GRM7: variants seen among roughly 807,000 people sequenced by gnomAD.
The protein encoded by GRM7 is glutamate metabotropic receptor 7.
GRM7 carries 35 observed loss-of-function variants against 84.5 expected under a neutral mutation model. The ratio of observed to expected loss-of-function variants is 0.41; its 90% confidence interval spans 0.32 to 0.55. The LOEUF is 0.55. Ranked by LOEUF, GRM7 falls within the 20% of genes least tolerant of loss-of-function variation. GRM7 has a pLI of 0.19. For missense variants in GRM7, 1,003 were observed against 1,194.6 expected (o/e 0.84, Z 2.36); for synonymous variants, 487 against 455.1 (o/e 1.07, Z -0.89).
At chr3:7,483,838 A>G (rs558795994) in intron 7 of GRM7, among the ~76,000 whole-genome samples, 1 of 152,036 alleles carries the variant, frequency 6.6e-6, no homozygotes, top group South Asian at 2.1e-4. Flanking sequence ...ATACTATATT[A>G]TTTAGGAATA....
At chr3:7,694,463 A>C (rs1022339211) in intron 9 of GRM7, 1 of 734,186 alleles carries the variant, frequency 1.4e-6, no homozygotes, top group African/African-American at 1.9e-5. Context: ...ATGTCAAGCA[A>C]TCCATCTGCA....
At chr3:7,198,767 A>G (rs1415659629) in intron 2 of GRM7, among the ~76,000 whole-genome samples, 2 of 152,196 alleles carry the variant, frequency 1.3e-5, no homozygotes, top group African/African-American at 2.4e-5. Flanking sequence ...TACAGACTGC[A>G]TAAGGCTTTC....
chr3:7,574,110 T>A (rs1575511578), intron 7 of GRM7, among the ~76,000 whole-genome samples: 1 of 151,946 alleles, frequency 6.6e-6, no homozygotes, highest in South Asian at 2.1e-4. Context: ...TTATTTTATT[T>A]TTATTATTTT....
At chr3:7,159,955 G>A (rs190262906) in intron 2 of GRM7, among the ~76,000 whole-genome samples, 3 of 152,252 alleles carry the variant, frequency 2.0e-5, no homozygotes, top group African/African-American at 4.8e-5. Flanking sequence ...ATTATGAAAA[G>A]CATTACCCAT....
chr3:7,048,230 G>A (rs1241383939), intron 1 of GRM7, among the ~76,000 whole-genome samples: 1 of 151,960 alleles, frequency 6.6e-6, no homozygotes, highest in Non-Finnish European at 1.5e-5. Flanking sequence ...AAGCATAACT[G>A]AGTCATGGCC....
At chr3:7,187,607 G>C (rs970667510) in intron 2 of GRM7, among the ~76,000 whole-genome samples, 1 of 150,898 alleles carries the variant, frequency 6.6e-6, no homozygotes, top group Non-Finnish European at 1.5e-5. Context: ...TGCAGAGCAG[G>C]GCTACCCCAT....
At chr3:7,141,214 T>C (rs1283228175) in intron 1 of GRM7, among the ~76,000 whole-genome samples, 1 of 151,768 alleles carries the variant, frequency 6.6e-6, no homozygotes, top group East Asian at 1.9e-4. Context: ...GAAAATAAAC[T>C]AAAAGCTATT....
chr3:7,097,230 A>T (rs534319700), intron 1 of GRM7, among the ~76,000 whole-genome samples: 1 of 152,164 alleles, frequency 6.6e-6, no homozygotes, highest in East Asian at 1.9e-4. Context: ...TAAATTGATA[A>T]TCTAGGTGAA....
intron 1 of GRM7, among the ~76,000 whole-genome samples, chr3:7,115,556 G>A (rs76052957): frequency 6.6e-6 from 1 of 152,072 alleles, no homozygotes; most frequent in Non-Finnish European, 1.5e-5. Context: ...TAAAAGGCTG[G>A]TGGATGATAA....
At chr3:7,237,409 C>G (rs913117012) in intron 2 of GRM7, among the ~76,000 whole-genome samples, 1 of 152,160 alleles carries the variant, frequency 6.6e-6, no homozygotes, top group Admixed American at 6.5e-5. Context: ...AACCCCATGT[C>G]TTCCCTTTAA....
intron 4 of GRM7, among the ~76,000 whole-genome samples, chr3:7,320,885 A>G (rs1409252968): frequency 6.6e-6 from 1 of 152,046 alleles, no homozygotes; most frequent in African/African-American, 2.4e-5. Context: ...CTGTAGATGT[A>G]ATTTCTGATA....
At chr3:7,448,153 T>C (rs1456418685) in intron 5 of GRM7, among the ~76,000 whole-genome samples, 1 of 151,874 alleles carries the variant, frequency 6.6e-6, no homozygotes, top group African/African-American at 2.4e-5. Context: ...CTATCATTGT[T>C]GGACACTTGG....
chr3:7,608,006 A>T (rs1483020516), intron 8 of GRM7: 1 of 311,628 alleles, frequency 3.2e-6, no homozygotes, highest in Admixed American at 3.4e-5. Context: ...TTTCAGCATC[A>T]GTTTGCTAAG....
intron 1 of GRM7, among the ~76,000 whole-genome samples, chr3:6,972,393 G>A (rs754788589): frequency 1.3e-5 from 2 of 152,166 alleles, no homozygotes; most frequent in Non-Finnish European, 2.9e-5. Flanking sequence ...GAGCGCAGAA[G>A]GTAAGGGTAA....
chr3:7,637,882 G>A (rs17724000), intron 8 of GRM7, among the ~76,000 whole-genome samples: 20,203 of 152,218 alleles, frequency 0.13, 1,629 homozygotes, highest in Non-Finnish European at 0.18. Context: ...AGTCACAGGC[G>A]GCAGTCACAG....
chr3:7,344,849 T>A (rs1291259949), intron 4 of GRM7, among the ~76,000 whole-genome samples: 1 of 152,132 alleles, frequency 6.6e-6, no homozygotes, highest in African/African-American at 2.4e-5. Flanking sequence ...AGTTCTGGTG[T>A]TCTGTTGCAC....
At chr3:7,198,091 A>G (rs193206887) in intron 2 of GRM7, among the ~76,000 whole-genome samples, 51 of 152,152 alleles carry the variant, frequency 3.4e-4, no homozygotes, top group Middle Eastern at 3.4e-3. Context: ...CGTTTTAATC[A>G]AAACTGCTGT....
intron 1 of GRM7, among the ~76,000 whole-genome samples, chr3:6,955,394 G>A (rs897792428): frequency 6.6e-6 from 1 of 152,014 alleles, no homozygotes; most frequent in Non-Finnish European, 1.5e-5. Context: ...AAAATTAGCT[G>A]GGCATGGTGG....
At chr3:7,435,212 G>A (rs1016034568) in intron 5 of GRM7, among the ~76,000 whole-genome samples, 2 of 151,470 alleles carry the variant, frequency 1.3e-5, no homozygotes, top group Non-Finnish European at 2.9e-5. Context: ...TGCCTTGGCT[G>A]GAGTACAGTG....
Sources: allele counts gnomAD v4.1 joint callset (sites outside exome capture counted in the v4.1 genomes callset), GRCh38; gene constraint gnomAD v4.1.1; transcripts MANE v1.5; gene names NCBI Gene and HGNC (gene_info 2026-07-23, HGNC 2026-07-21).